RALGPS1: variants seen among roughly 807,000 people sequenced by gnomAD.
RALGPS1 encodes the protein ras-specific guanine nucleotide-releasing factor RalGPS1.
A neutral mutation model predicts 78.8 loss-of-function variants in RALGPS1; 19 were observed. The observed-to-expected ratio is 0.24, with a 90% CI of 0.17 to 0.35. The LOEUF (loss-of-function observed/expected upper bound fraction) is 0.35, where lower values mean the gene tolerates loss of function less well. Among genes scored for constraint, RALGPS1 ranks in the 10% least tolerant of loss-of-function variants. The pLI is 1.00. For missense variants in RALGPS1, 454 were observed against 688.3 expected (o/e 0.66, Z 3.81); for synonymous variants, 228 against 256.3 (o/e 0.89, Z 1.06).
chr9:127,090,495 G>GGGAT (rs1270839031), intron 8 of RALGPS1, among the ~76,000 whole-genome samples: 1 of 152,236 alleles, frequency 6.6e-6, no homozygotes, highest in Non-Finnish European at 1.5e-5. Flanking sequence ...GTGTGATACA[G>GGGAT]GGATGGGCAG....
chr9:127,075,143 AG>A (rs1228289788), intron 8 of RALGPS1, among the ~76,000 whole-genome samples: 1 of 152,156 alleles, frequency 6.6e-6, no homozygotes, highest in Non-Finnish European at 1.5e-5. Flanking sequence ...GTGCTTCCCA[AG>A]AGGCTCCATG....
chr9:126,929,884 A>G (rs1311330455), intron 1 of RALGPS1, among the ~76,000 whole-genome samples: 1 of 152,224 alleles, frequency 6.6e-6, no homozygotes, highest in East Asian at 1.9e-4. Flanking sequence ...TCTGTTGCCC[A>G]GGCTGGAGTG....
At chr9:126,977,822 G>T (rs10819259) in intron 4 of RALGPS1, 77 bp downstream of exon 4, 702,855 of 1,008,344 alleles carry the variant, frequency 0.7, 255,517 homozygotes, top group East Asian at 0.77. Context: ...CTGTTAGAGT[G>T]TCTCAGTTTC....
In RALGPS1 at chr9:127,211,156, G is replaced by A. The variant is rs2062230068; in HGVS notation, c.1248-975G>A. On this transcript the variant is annotated intron_variant, in intron 14 of 18. Coordinates refer to ENST00000259351, the MANE Select transcript of RALGPS1 (RefSeq NM_014636.3). This position sits in a 1 kb window ranked among gnomAD's most constrained non-coding sequence, Gnocchi z 5.0. The stretch of plus-strand genomic sequence containing the variant: ...GTGTTGGAAGGAATGAGAGAGGGCA[G>A]GGACATGAGATGAGCTGGAGCCACA... Among the ~76,000 whole-genome samples the A allele has an allele frequency of 1.3e-5, 2 of 152,346 alleles. No homozygotes were observed. Among genetic ancestry groups the A allele is most frequent in the East Asian group, 3.9e-4 (2 of 5,182 alleles).
At chr9:127,123,541 C>T (rs533198571) in intron 8 of RALGPS1, among the ~76,000 whole-genome samples, 2 of 152,296 alleles carry the variant, frequency 1.3e-5, no homozygotes, top group East Asian at 3.9e-4. Context: ...CTCCTGCTCC[C>T]AGAACCTCTG....
In RALGPS1 at chr9:127,220,084, T is replaced by C. The variant is rs1164456852; in HGVS notation, c.*1315T>C. The C allele has an allele frequency of 1.3e-5, 2 of 152,690 alleles. No individual in the cohort carries two copies. Among genetic ancestry groups the C allele is most frequent in the Non-Finnish European group, 2.9e-5 (2 of 68,046 alleles). The allele number at this position is 152,690 out of a possible 1,614,324, so 9.5% of individuals were successfully genotyped here. A position where few individuals can be genotyped will look rare whatever the true frequency, so the allele number is the denominator to read the frequency against. On this transcript the variant is annotated 3_prime_UTR_variant, in exon 19 of 19. Coordinates refer to ENST00000259351, the MANE Select transcript of RALGPS1 (RefSeq NM_014636.3). The stretch of plus-strand genomic sequence containing the variant: ...TTTATTTTGCACAAATAATTTTTAT[T>C]CAGAATAATAAATCACTCTTTATCA...
In RALGPS1 at chr9:127,122,079, C is replaced by T. The variant is rs62578765; in HGVS notation, c.611-43990C>T. 1.3e-5 allele frequency among the ~76,000 whole-genome samples: 2 copies of T among 152,002 alleles called. No homozygotes were observed. Among genetic ancestry groups the T allele is most frequent in the African/African-American group, 4.8e-5 (2 of 41,414 alleles). ...GTCCAAAAGAGGAGAGTGAGGCTTA[C>T]TCATGAAGTCCTCGAGATGCCAGCC... is the stretch of plus-strand genomic sequence containing the variant. On this transcript the variant is annotated intron_variant, in intron 8 of 18. Transcript: ENST00000259351. This position sits in a 1 kb window ranked among gnomAD's most constrained non-coding sequence, Gnocchi z 6.4.
At chr9:127,134,015 C>G (rs567764254) in intron 8 of RALGPS1, among the ~76,000 whole-genome samples, 127 of 151,930 alleles carry the variant, frequency 8.4e-4, no homozygotes, top group African/African-American at 2.8e-3. Flanking sequence ...CTCCCCCCCC[C>G]GTGAATGCTG....
intron 1 of RALGPS1, among the ~76,000 whole-genome samples, chr9:126,930,423 A>G (rs2035685890): frequency 6.6e-6 from 1 of 152,152 alleles, no homozygotes. Flanking sequence ...TGGAAAACTA[A>G]GTTGGTAAAA....
chr9:126,965,936 C>T lies in RALGPS1; in HGVS notation c.150C>T (p.Thr50=). ...DAVVFDVLKV[T]PEEFASQITL... ...TTGTCTTCGATGTCTTGAAAGTGAC[C>T]CCAGAGGAGTTTGCTGTAAGTGAAA... Residue 50 remains threonine (T), a synonymous_variant, in exon 3 of 19, where the codon ACC becomes ACT. Transcript: ENST00000259351. 9.9e-6 allele frequency: 16 copies of T among 1,613,982 alleles called. No homozygotes were observed. The highest frequency in any genetic ancestry group is 1.3e-5 in the Non-Finnish European group (15 of 1,179,864).
At chr9:127,195,878 C>G (rs1482272664) in intron 12 of RALGPS1, among the ~76,000 whole-genome samples, 1 of 151,976 alleles carries the variant, frequency 6.6e-6, no homozygotes, top group African/African-American at 2.4e-5. Context: ...CAAGCTCAGC[C>G]CAGCCTAGGC....
intron 1 of RALGPS1, among the ~76,000 whole-genome samples, chr9:126,921,735 G>A (rs1221641435): frequency 6.6e-6 from 1 of 152,134 alleles, no homozygotes; most frequent in Admixed American, 6.5e-5. Context: ...TTTCCTCATC[G>A]ATACAAGAGG....
chr9:127,046,901 AAAAC>A (rs911650523), intron 5 of RALGPS1, among the ~76,000 whole-genome samples: 12 of 152,166 alleles, frequency 7.9e-5, no homozygotes, highest in South Asian at 2.1e-4. Flanking sequence ...GAAAAAAAGC[AAAAC>A]AAACAAACAA....
intron 8 of RALGPS1, among the ~76,000 whole-genome samples, chr9:127,100,025 A>G (rs2053563762): frequency 6.6e-6 from 1 of 152,246 alleles, no homozygotes; most frequent in African/African-American, 2.4e-5. Flanking sequence ...TTAAATTACT[A>G]CAAAGTGTGA....
Position 127,196,614 on chromosome 9 carries a change from C to G in RALGPS1, c.1178C>G (p.Thr393Ser), listed in dbSNP as rs759664181. The change falls in exon 13 of 19, where the codon ACC (threonine) becomes AGC (serine). Residue 393 changes from threonine to serine, a missense_variant. Thr to Ser is a moderately conservative substitution (Grantham distance 58). Coordinates refer to ENST00000259351, the MANE Select transcript of RALGPS1 (RefSeq NM_014636.3). ...GLALTSSSAV[T>S]NGLSLGSSES... ...GCTCTGACCTCCTCCTCTGCTGTCA[C>G]CAATGGACTCTCCCTAGGTAAGCGT... 16 of 1,605,944 alleles carry G rather than the reference C, an allele frequency of 1.0e-5. No homozygotes were observed. Among genetic ancestry groups the G allele is most frequent in the Non-Finnish European group, 1.1e-5 (13 of 1,175,650 alleles).
intron 8 of RALGPS1, among the ~76,000 whole-genome samples, chr9:127,111,163 G>A (rs2054772733): frequency 6.6e-6 from 1 of 152,130 alleles, no homozygotes; most frequent in South Asian, 2.1e-4. Context: ...TCTAAGCACA[G>A]TTAGGACTCA....
intron 14 of RALGPS1, among the ~76,000 whole-genome samples, chr9:127,208,310 A>G: frequency 6.6e-6 from 1 of 152,164 alleles, no homozygotes; most frequent in East Asian, 1.9e-4. Flanking sequence ...CCACAAGTAG[A>G]GGTGCCTCTG....
chr9:127,106,171 A>C (rs531545875), intron 8 of RALGPS1, among the ~76,000 whole-genome samples: 1 of 152,322 alleles, frequency 6.6e-6, no homozygotes, highest in East Asian at 1.9e-4. Context: ...AGGCCAGAGG[A>C]GATCTGTTGA....
At chr9:127,169,070 C>T (rs1261157761) in intron 10 of RALGPS1, among the ~76,000 whole-genome samples, 1 of 152,238 alleles carries the variant, frequency 6.6e-6, no homozygotes, top group Non-Finnish European at 1.5e-5. Context: ...CTCAGTATGG[C>T]TTTCCCACAT....
Sources: gnomAD v4.1 joint callset for allele counts (sites outside exome capture counted in the v4.1 genomes callset) on GRCh38, gnomAD v4.1.1 for gene constraint, Gnocchi (gnomAD v3.1) non-coding constraint, MANE v1.5 for transcripts, NCBI Gene and HGNC (gene_info 2026-07-23, HGNC 2026-07-21) for gene names.